SIPA1L2: variants seen among roughly 807,000 people sequenced by gnomAD.
SIPA1L2 encodes the protein signal-induced proliferation-associated 1-like protein 2.
In SIPA1L2, 56 loss-of-function variants were observed where a neutral mutation model predicts 163.9. The ratio of observed to expected loss-of-function variants is 0.34; its 90% CI spans 0.28 to 0.43. The LOEUF (loss-of-function observed/expected upper bound fraction) is 0.43, where lower values mean the gene tolerates loss of function less well. Among genes scored for constraint, SIPA1L2 ranks in the 20% least tolerant of loss-of-function variants. SIPA1L2 has a pLI of 1.00. For synonymous variants in SIPA1L2, 877 were observed against 865.7 expected (o/e 1.01, Z -0.23); for missense variants, 1,974 against 2,193.5 (o/e 0.90, Z 2.00).
intron 1 of SIPA1L2, among the ~76,000 whole-genome samples, chr1:232,606,270 A>T (rs898160660): frequency 1.3e-5 from 2 of 152,228 alleles, no homozygotes; most frequent in Non-Finnish European, 2.9e-5. Context: ...TAATAGAAGC[A>T]TTAACAGGCG....
At chr1:232,443,536 G>A in intron 12 of SIPA1L2, 66 bp downstream of exon 12, 1 of 1,298,146 alleles carries the variant, frequency 7.7e-7, no homozygotes, top group Admixed American at 2.3e-5. Context: ...CACAGTAAAT[G>A]CTTTTCAATG....
chr1:232,429,746 A>G (rs1662116658), intron 16 of SIPA1L2, among the ~76,000 whole-genome samples: 1 of 152,236 alleles, frequency 6.6e-6, no homozygotes, highest in African/African-American at 2.4e-5. Flanking sequence ...CAAAAGCCAC[A>G]TAAGGAAAAC....
intron 2 of SIPA1L2, among the ~76,000 whole-genome samples, chr1:232,569,029 C>T (rs1659568160): frequency 6.6e-6 from 1 of 152,158 alleles, no homozygotes; most frequent in Admixed American, 6.5e-5. Context: ...TAACAGAGTA[C>T]TGCACTTACA....
At chr1:232,561,918 A>C (rs969391499) in intron 2 of SIPA1L2, among the ~76,000 whole-genome samples, 1 of 152,198 alleles carries the variant, frequency 6.6e-6, no homozygotes, top group Admixed American at 6.5e-5. Context: ...AGGCTTAGCG[A>C]TTACTAAACC....
intron 18 of SIPA1L2, 141 bp from the exon 19 acceptor site, chr1:232,415,766 G>T: frequency 9.6e-7 from 1 of 1,042,132 alleles, no homozygotes; most frequent in African/African-American, 1.8e-5. Flanking sequence ...CCCAGAGTCA[G>T]TCAGAACACG....
intron 2 of SIPA1L2, among the ~76,000 whole-genome samples, chr1:232,519,176 G>A (rs1306746880): frequency 6.6e-6 from 1 of 152,160 alleles, no homozygotes. Flanking sequence ...CCAGCCAAAT[G>A]AGGTGATTAC....
At chr1:232,493,788 G>T (rs1207955420) in intron 3 of SIPA1L2, 128 bp from the exon 4 acceptor site, 12 of 1,202,578 alleles carry the variant, frequency 1.0e-5, no homozygotes, top group East Asian at 4.9e-5. Flanking sequence ...TGATTTCCTT[G>T]TATCTGTTTC....
At chr1:232,630,285 C>G (rs1001449795), upstream of SIPA1L2, among the ~76,000 whole-genome samples, 3 of 151,838 alleles carry the variant, frequency 2.0e-5, no homozygotes, top group Non-Finnish European at 4.4e-5. Flanking sequence ...CCGCCCGGCT[C>G]CGGGCGCAGC....
At chr1:232,627,051 G>GAA (rs141933228) in intron 1 of SIPA1L2, among the ~76,000 whole-genome samples, 2 of 146,996 alleles carry the variant, frequency 1.4e-5, no homozygotes, top group East Asian at 4.0e-4. Flanking sequence ...AAAACAGAAA[G>GAA]AAAAAAAAAA....
intron 7 of SIPA1L2, among the ~76,000 whole-genome samples, chr1:232,478,926 C>T (rs142157647): frequency 2.8e-4 from 43 of 152,316 alleles, no homozygotes; most frequent in African/African-American, 1.0e-3. Context: ...AGGTCCTTTC[C>T]TATCTCAAGT....
At chr1:232,604,141 C>A (rs977701061) in intron 1 of SIPA1L2, among the ~76,000 whole-genome samples, 11 of 152,140 alleles carry the variant, frequency 7.2e-5, no homozygotes, top group African/African-American at 2.7e-4. Flanking sequence ...AAGATTCCAG[C>A]ACGTGGTAAA....
intron 5 of SIPA1L2, among the ~76,000 whole-genome samples, chr1:232,488,628 T>G (rs1180871571): frequency 2.0e-5 from 3 of 152,190 alleles, no homozygotes; most frequent in Non-Finnish European, 4.4e-5. Flanking sequence ...GAAAAGCCCA[T>G]GAACTACTAC....
chr1:232,418,953 G>A (rs1451348825), intron 18 of SIPA1L2, among the ~76,000 whole-genome samples: 1 of 152,126 alleles, frequency 6.6e-6, no homozygotes, highest in Non-Finnish European at 1.5e-5. Flanking sequence ...CACAACAGTG[G>A]GTAGGGCAGA....
At chr1:232,576,573 C>T (rs535927813) in intron 1 of SIPA1L2, among the ~76,000 whole-genome samples, 3 of 152,148 alleles carry the variant, frequency 2.0e-5, no homozygotes, top group Non-Finnish European at 4.4e-5. Context: ...ACAGCCTCTC[C>T]GTATTCAAGT....
At chr1:232,510,154 T>C (rs1666913679) in intron 3 of SIPA1L2, among the ~76,000 whole-genome samples, 1 of 152,134 alleles carries the variant, frequency 6.6e-6, no homozygotes, top group Non-Finnish European at 1.5e-5. Context: ...TGGCACTTGA[T>C]ATTGGCAGTG....
intron 1 of SIPA1L2, among the ~76,000 whole-genome samples, chr1:232,628,829 A>C (rs1663215749): frequency 6.6e-6 from 1 of 152,218 alleles, no homozygotes; most frequent in Non-Finnish European, 1.5e-5. Context: ...CTGCAGACAA[A>C]AGAGGCAAAG....
intron 1 of SIPA1L2, among the ~76,000 whole-genome samples, 42 bp downstream of exon 1, chr1:232,629,827 C>A (rs1663289520): frequency 2.0e-5 from 3 of 152,110 alleles, no homozygotes; most frequent in East Asian, 2.0e-4. Flanking sequence ...GCATCCCGAA[C>A]CGACCCTCGC....
At chr1:232,591,478 C>A (rs1660956085) in intron 1 of SIPA1L2, among the ~76,000 whole-genome samples, 1 of 152,242 alleles carries the variant, frequency 6.6e-6, no homozygotes, top group Non-Finnish European at 1.5e-5. Context: ...GCCAGGAGCC[C>A]CCACCAGGGC....
chr1:232,607,570 A>C (rs565700914), intron 1 of SIPA1L2, among the ~76,000 whole-genome samples: 9 of 152,280 alleles, frequency 5.9e-5, no homozygotes, highest in African/African-American at 1.4e-4. Context: ...TTAACCAAGA[A>C]GACAAGGAAC....
Sources: allele counts gnomAD v4.1 joint callset (sites outside exome capture counted in the v4.1 genomes callset), GRCh38; gene constraint gnomAD v4.1.1; transcripts MANE v1.5; gene names NCBI Gene and HGNC (gene_info 2026-07-23, HGNC 2026-07-21).